SLC25A21: variants seen among roughly 807,000 people sequenced by gnomAD.
The protein encoded by SLC25A21 is solute carrier family 25 member 21.
In SLC25A21, 47 loss-of-function variants were observed where a neutral mutation model predicts 43.8. That is an observed-to-expected ratio of 1.07 (90% CI 0.85 to 1.37). The LOEUF is 1.37. Ranked by LOEUF, SLC25A21 falls within the 40% of genes most tolerant of loss-of-function variation. SLC25A21 has a pLI of 0.00. For missense variants in SLC25A21, 352 were observed against 350.2 expected, an observed-to-expected ratio of 1.00 and a Z score of -0.04; for synonymous variants, 131 against 121.3, an observed-to-expected ratio of 1.08 and a Z score of -0.52.
intron 1 of SLC25A21, among the ~76,000 whole-genome samples, chr14:37,070,890 A>C (rs1166018276): frequency 1.3e-5 from 2 of 152,210 alleles, no homozygotes; most frequent in Admixed American, 6.5e-5. Context: ...GGTTCACCTC[A>C]TCTTAATCCT....
At chr14:36,741,474 T>C (rs1407741755) in intron 3 of SLC25A21, among the ~76,000 whole-genome samples, 1 of 152,266 alleles carries the variant, frequency 6.6e-6, no homozygotes, top group East Asian at 1.9e-4. Flanking sequence ...GAGGAGAAGA[T>C]CAATGTGTAA....
intron 1 of SLC25A21, among the ~76,000 whole-genome samples, chr14:36,903,731 G>A (rs1003088848): frequency 1.3e-5 from 2 of 150,196 alleles, no homozygotes; most frequent in African/African-American, 4.9e-5. Context: ...TAAACATCTG[G>A]CTTCCTTGAG....
chr14:36,879,832 T>A (rs1216073477), intron 1 of SLC25A21, among the ~76,000 whole-genome samples: 58 of 151,344 alleles, frequency 3.8e-4, no homozygotes, highest in Admixed American at 3.7e-3. Context: ...AAAAAAAAAG[T>A]ACAAACATTG....
Position 36,723,276 on chromosome 14 carries a change from C to T in SLC25A21, c.438+2294G>A, listed in dbSNP as rs569999554. 1.6e-3 allele frequency among the ~76,000 whole-genome samples: 246 copies of T among 152,332 alleles called. 1 individual carries two copies. The highest frequency in any genetic ancestry group is 2.4e-3 in the Non-Finnish European group (160 of 68,020). Reference sequence around the variant, plus strand: ...TGTTGAGTAAAAGCACCTATGGCTTCAATTTGATGAACATTGCCCATAATG... The same window carrying T: ...TGTTGAGTAAAAGCACCTATGGCTTTAATTTGATGAACATTGCCCATAATG... On this transcript the variant is annotated intron_variant, in intron 6 of 9. Coordinates refer to ENST00000331299, the MANE Select transcript of SLC25A21 (RefSeq NM_030631.4).
intron 1 of SLC25A21, among the ~76,000 whole-genome samples, chr14:37,154,428 G>A (rs758384698): frequency 2.7e-5 from 4 of 150,864 alleles, no homozygotes; most frequent in Non-Finnish European, 5.9e-5. Context: ...TACACCAGAT[G>A]TGCAGATATA....
intron 1 of SLC25A21, among the ~76,000 whole-genome samples, chr14:37,026,328 T>C (rs1961092026): frequency 6.6e-6 from 1 of 152,182 alleles, no homozygotes; most frequent in Non-Finnish European, 1.5e-5. Context: ...AAAATGATTA[T>C]TCTCCAATAA....
chr14:37,136,988 G>T (rs1963491856), intron 1 of SLC25A21, among the ~76,000 whole-genome samples: 1 of 151,988 alleles, frequency 6.6e-6, no homozygotes, highest in Admixed American at 6.6e-5. Flanking sequence ...AATCTGTATG[G>T]CACTGACTTT....
intron 1 of SLC25A21, among the ~76,000 whole-genome samples, chr14:36,983,756 G>A (rs1960082747): frequency 6.6e-6 from 1 of 151,996 alleles, no homozygotes; most frequent in South Asian, 2.1e-4. Flanking sequence ...ATGGTTAAGT[G>A]GATAAAGAAA....
intron 1 of SLC25A21, among the ~76,000 whole-genome samples, chr14:37,153,386 A>G (rs972508812): frequency 1.3e-5 from 2 of 152,232 alleles, no homozygotes; most frequent in African/African-American, 4.8e-5. Flanking sequence ...AGGGATAAGA[A>G]GCAAGCAAGA....
At chr14:37,067,467 T>C (rs1202277610) in intron 1 of SLC25A21, among the ~76,000 whole-genome samples, 1 of 152,176 alleles carries the variant, frequency 6.6e-6, no homozygotes, top group Non-Finnish European at 1.5e-5. Context: ...AATGCATCCT[T>C]ATTATAAGCA....
intron 1 of SLC25A21, among the ~76,000 whole-genome samples, chr14:37,040,704 G>C (rs1208971758): frequency 5.9e-5 from 9 of 152,080 alleles, no homozygotes; most frequent in Non-Finnish European, 1.3e-4. Flanking sequence ...GCCCAGATGA[G>C]AGGGGATAGA....
chr14:37,097,840 C>G (rs1248320867), intron 1 of SLC25A21: 1 of 151,330 alleles, frequency 6.6e-6, no homozygotes, highest in Non-Finnish European at 1.5e-5. Flanking sequence ...GCCGAGATCG[C>G]ACCATCGCAC....
chr14:37,107,471 C>A (rs1224038674), intron 1 of SLC25A21, among the ~76,000 whole-genome samples: 2 of 152,048 alleles, frequency 1.3e-5, no homozygotes, highest in African/African-American at 4.8e-5. Context: ...ATGTAAGCTA[C>A]CATATCTGGC....
At chr14:37,137,440 AT>A (rs1963501342) in intron 1 of SLC25A21, among the ~76,000 whole-genome samples, 1 of 152,220 alleles carries the variant, frequency 6.6e-6, no homozygotes, top group Non-Finnish European at 1.5e-5. Context: ...CACAATTATA[AT>A]TTCTTGTTAG....
chr14:36,990,276 T>A (rs967948492), intron 1 of SLC25A21, among the ~76,000 whole-genome samples: 1 of 152,180 alleles, frequency 6.6e-6, no homozygotes, highest in Non-Finnish European at 1.5e-5. Context: ...TGTCAAGCTA[T>A]GCAAGCCTTC....
At chr14:37,149,340 A>G (rs898889127) in intron 1 of SLC25A21, among the ~76,000 whole-genome samples, 2 of 152,156 alleles carry the variant, frequency 1.3e-5, no homozygotes, top group African/African-American at 4.8e-5. Context: ...TAATGAAACT[A>G]TATTGCTCTG....
At position 36,806,336 on chromosome 14, in the gene SLC25A21, CA is replaced by C. The variant is rs201490663; in HGVS notation, c.203+7581del. Among the ~76,000 whole-genome samples the C allele has an allele frequency of 7.7e-3, 1,174 of 152,006 alleles. 18 individuals carry two copies. Among genetic ancestry groups the C allele is most frequent in the African/African-American group, 0.026 (1,094 of 41,462 alleles). ...AGCACTGTAGGATGACTATAGCTAA[CA>C]ATAATATATTCTATACTTTCAGATA... On this transcript the variant is annotated intron_variant, in intron 3 of 9. Coordinates refer to ENST00000331299, the MANE Select transcript of SLC25A21 (RefSeq NM_030631.4).
chr14:37,154,469 AT>A lies in SLC25A21; in HGVS notation c.70+17811del, dbSNP rs773948219. 5.8e-3 allele frequency among the ~76,000 whole-genome samples: 858 copies of A among 146,674 alleles called. 8 individuals are homozygous for A. The highest frequency in any genetic ancestry group is 0.021 in the African/African-American group (827 of 38,564). Reference sequence around the variant, plus strand: ...AAAGACACAGGAAACATAAAAAAAAATCAATGAAATATGACTCTCCAAAGGA... The same window carrying A: ...AAAGACACAGGAAACATAAAAAAAAACAATGAAATATGACTCTCCAAAGGA... On this transcript the variant is annotated intron_variant, in intron 1 of 9. Transcript: ENST00000331299.
In SLC25A21 at chr14:36,678,563, A is replaced by C; in HGVS notation, c.*2095T>G. ...TTGGTGGAGACTTCTTTAAAACCAT[A>C]CCATACAGGGACTCTCCTGTCATCT... On this transcript the variant is annotated 3_prime_UTR_variant, in exon 10 of 10. Transcript: ENST00000331299. 6.5e-7 allele frequency: 1 copy of C among 1,535,504 alleles called. No individual in the cohort carries two copies. The highest frequency in any genetic ancestry group is 2.0e-5 in the Admixed American group (1 of 50,850).
Sources: allele counts gnomAD v4.1 joint callset (sites outside exome capture counted in the v4.1 genomes callset), GRCh38; gene constraint gnomAD v4.1.1; transcripts MANE v1.5; gene names NCBI Gene and HGNC (gene_info 2026-07-23, HGNC 2026-07-21).